The following RBFOX1 variants were observed in gnomAD, a reference collection of about 807,000 sequenced individuals.
RBFOX1 encodes the protein RNA binding fox-1 homolog 1.
Under a neutral mutation model 57.7 loss-of-function variants are expected in RBFOX1, and 8 were observed. The ratio of observed to expected loss-of-function variants is 0.14; its 90% CI spans 0.08 to 0.25. The LOEUF (loss-of-function observed/expected upper bound fraction) is 0.25. RBFOX1 is among the 10% of genes least tolerant of loss of function. RBFOX1 has a pLI of 1.00. For missense variants in RBFOX1, 611 were observed against 548.5 expected (o/e 1.11, Z -1.14); for synonymous variants, 326 against 222.4 (o/e 1.47, Z -4.15).
chr16:5,500,020 C>T (rs1567166167), intron 2 of RBFOX1, among the ~76,000 whole-genome samples: 2 of 152,162 alleles, frequency 1.3e-5, no homozygotes, highest in Non-Finnish European at 2.9e-5. Context: ...TCGCATTTGC[C>T]TAGATCTGTG....
chr16:5,741,940 G>A lies in RBFOX1; in HGVS notation c.319-125363G>A, dbSNP rs188521513. On this transcript the variant is annotated intron_variant, in intron 3 of 19. Coordinates refer to the RBFOX1 transcript ENST00000641259. ...GTAGTTCCAGTATGTAGGGATGAAC[G>A]GGAATCATGATAATGCTATCATTGA... Among the ~76,000 whole-genome samples, 196 of 152,268 alleles carry A rather than the reference G, an allele frequency of 1.3e-3. 2 individuals are homozygous for A. The highest frequency in any genetic ancestry group is 2.9e-4 in the Non-Finnish European group (20 of 68,014).
At chr16:6,287,902 T>C (rs1054849640) in intron 1 of RBFOX1, among the ~76,000 whole-genome samples, 1 of 152,186 alleles carries the variant, frequency 6.6e-6, no homozygotes, top group African/African-American at 2.4e-5. Context: ...TCAGTCTAGC[T>C]TACCCATGCT....
chr16:5,705,434 TA>T (rs1314876756), intron 3 of RBFOX1, among the ~76,000 whole-genome samples: 1 of 152,124 alleles, frequency 6.6e-6, no homozygotes, highest in Non-Finnish European at 1.5e-5. Flanking sequence ...GATAATTTTT[TA>T]ATTTTTTGCG....
At chr16:7,308,612 A>C (rs2142413907) in intron 4 of RBFOX1, among the ~76,000 whole-genome samples, 1 of 152,314 alleles carries the variant, frequency 6.6e-6, no homozygotes, top group African/African-American at 2.4e-5. Flanking sequence ...AGTGGTTTGT[A>C]CAAAGGGTAA....
chr16:6,654,581 CTTTCT>C lies in RBFOX1; in HGVS notation c.-63-15_-63-11del, dbSNP rs2098632612. 3 of 1,499,468 alleles carry C rather than the reference CTTTCT, an allele frequency of 2.0e-6. No homozygotes were observed. The highest frequency in any genetic ancestry group is 2.3e-5 in the Admixed American group (1 of 42,946). 92.9% of individuals were successfully genotyped at this position (1,499,468 alleles called of 1,614,324 possible). A position where few individuals can be genotyped will look rare whatever the true frequency, so the allele number is the denominator to read the frequency against. On this transcript the variant is annotated splice_polypyrimidine_tract_variant and intron_variant, in intron 2 of 15. Transcript: ENST00000550418. ...GACTCCTGTTCTTTCTCTCACTTTC[CTTTCT>C]TTTCTTCTCTTCTCAGGATATCAAA...
At chr16:7,228,689 G>T (rs896983148) in intron 4 of RBFOX1, among the ~76,000 whole-genome samples, 1 of 152,182 alleles carries the variant, frequency 6.6e-6, no homozygotes, top group African/African-American at 2.4e-5. Flanking sequence ...GCTTTATTCA[G>T]TCAAAGCTCA....
chr16:5,868,344 C>G (rs1334069296), intron 4 of RBFOX1, among the ~76,000 whole-genome samples: 1 of 152,206 alleles, frequency 6.6e-6, no homozygotes, highest in Non-Finnish European at 1.5e-5. Context: ...ATGAGGTCAT[C>G]ACCAAAGTCT....
At chr16:6,313,862 C>G (rs2080720864) in intron 1 of RBFOX1, among the ~76,000 whole-genome samples, 1 of 151,966 alleles carries the variant, frequency 6.6e-6, no homozygotes, top group Non-Finnish European at 1.5e-5. Context: ...TTCTGGAACT[C>G]TAGAGAGCAT....
At chr16:7,056,433 C>G (rs185182903) in intron 4 of RBFOX1, among the ~76,000 whole-genome samples, 1 of 152,304 alleles carries the variant, frequency 6.6e-6, no homozygotes. Flanking sequence ...GCATTAACCA[C>G]TCCTGATCCT....
At chr16:5,562,626 T>C (rs2045929625) in intron 2 of RBFOX1, among the ~76,000 whole-genome samples, 1 of 152,066 alleles carries the variant, frequency 6.6e-6, no homozygotes, top group African/African-American at 2.4e-5. Context: ...AACTTGTAAG[T>C]GCTAGGGAGT....
rs112922358 is a variant in RBFOX1, at chr16:7,599,447, G to A, written c.622+2016G>A. On this transcript the variant is annotated intron_variant, in intron 9 of 15. Coordinates refer to ENST00000550418, the MANE Select transcript of RBFOX1 (RefSeq NM_018723.4). Reference sequence around the variant, plus strand: ...TTTTATGACCAGGGACTGAAAACTAGACCTGTAGGATTTTTTAACACAATT... The same window carrying A: ...TTTTATGACCAGGGACTGAAAACTAAACCTGTAGGATTTTTTAACACAATT... Among the ~76,000 whole-genome samples the A allele has an allele frequency of 9.4e-3, 1,036 of 110,292 alleles. 13 individuals carry two copies. Among genetic ancestry groups the A allele is most frequent in the African/African-American group, 0.025 (984 of 39,836 alleles). 72.4% of individuals were successfully genotyped at this position (110,292 alleles called of 152,430 possible).
intron 1 of RBFOX1, among the ~76,000 whole-genome samples, chr16:5,329,700 A>G (rs924216445): frequency 4.6e-5 from 7 of 152,236 alleles, no homozygotes; most frequent in Non-Finnish European, 1.0e-4. Flanking sequence ...TGTGAAGTCC[A>G]AGATCAAGAC....
At chr16:7,633,198 C>T (rs547224799) in intron 11 of RBFOX1, among the ~76,000 whole-genome samples, 116 of 152,200 alleles carry the variant, frequency 7.6e-4, no homozygotes, top group African/African-American at 2.6e-3. Flanking sequence ...TTTAACAGTC[C>T]GGCTCTTTAC....
chr16:7,422,728 C>G (rs1400844855), intron 4 of RBFOX1: 1 of 150,666 alleles, frequency 6.6e-6, no homozygotes, highest in African/African-American at 2.4e-5. Context: ...GTGTGCAAAC[C>G]CCTCCCCTCC....
chr16:6,807,464 AGGGCT>A (rs774319026), intron 3 of RBFOX1, among the ~76,000 whole-genome samples: 5 of 152,080 alleles, frequency 3.3e-5, no homozygotes, highest in Non-Finnish European at 7.4e-5. Context: ...AGTAGCACAC[AGGGCT>A]GGGGTCCTGA....
At chr16:7,421,143 G>T (rs1049278248) in intron 4 of RBFOX1, among the ~76,000 whole-genome samples, 5 of 152,038 alleles carry the variant, frequency 3.3e-5, no homozygotes, top group Non-Finnish European at 5.9e-5. Context: ...GAAGGCACTG[G>T]TATTGACCAG....
Position 6,756,274 on chromosome 16 carries a change from T to C in RBFOX1, c.-16+101624T>C, listed in dbSNP as rs191063314. On this transcript the variant is annotated intron_variant, in intron 3 of 15. Transcript: ENST00000550418. The stretch of plus-strand genomic sequence containing the variant: ...TGGGAAAAAAATGGATATCCGTATG[T>C]AGAAGAGTGAAACAAGACCCTATTT... 2.0e-4 allele frequency among the ~76,000 whole-genome samples: 30 copies of C among 152,258 alleles called. 1 individual carries two copies. The East Asian group carries it at 5.0e-3, about 25-fold the overall frequency.
chr16:5,995,419 A>T (rs142057675), intron 4 of RBFOX1, among the ~76,000 whole-genome samples: 1 of 152,178 alleles, frequency 6.6e-6, no homozygotes, highest in Non-Finnish European at 1.5e-5. Context: ...CCAGAAGAGC[A>T]TGATGGTAAG....
intron 2 of RBFOX1, among the ~76,000 whole-genome samples, chr16:6,472,630 CTT>C (rs370784090): frequency 6.9e-6 from 1 of 145,116 alleles, no homozygotes; most frequent in African/African-American, 2.5e-5. Flanking sequence ...TTCTTTCTTT[CTT>C]TTTTTTTTTT....
Sources: allele counts gnomAD v4.1 joint callset (sites outside exome capture counted in the v4.1 genomes callset), GRCh38; gene constraint gnomAD v4.1.1; transcripts MANE v1.5; gene names NCBI Gene and HGNC (gene_info 2026-07-23, HGNC 2026-07-21).